Variants in CD86 observed in about 807,000 individuals in gnomAD.
CD86 encodes CD86 molecule, also known as T-lymphocyte activation antigen CD86.
In CD86, 11 loss-of-function variants were observed where a neutral mutation model predicts 32.1. The observed-to-expected ratio is 0.34, with a 90% CI of 0.22 to 0.57. CD86 has a LOEUF of 0.57. Ranked by LOEUF, CD86 falls within the 20% of genes least tolerant of loss-of-function variation. The pLI, the probability that CD86 is intolerant of heterozygous loss-of-function variation, is 0.86. For synonymous variants in CD86, 137 were observed against 135.3 expected (o/e 1.01, Z -0.09); for missense variants, 359 against 398.4 (o/e 0.90, Z 0.84).
intron 2 of CD86, among the ~76,000 whole-genome samples, chr3:122,096,489 C>T (rs948132583): frequency 2.6e-5 from 4 of 151,538 alleles, no homozygotes; most frequent in South Asian, 2.1e-4. Flanking sequence ...GATTTTATGT[C>T]GATAGACATT....
intron 1 of CD86, among the ~76,000 whole-genome samples, chr3:122,081,821 T>A (rs1299117631): frequency 6.6e-6 from 1 of 152,202 alleles, no homozygotes; most frequent in Non-Finnish European, 1.5e-5. Flanking sequence ...AAAGCTCAGC[T>A]CAACTATTAC....
intron 1 of CD86, among the ~76,000 whole-genome samples, chr3:122,070,011 C>T (rs975267135): frequency 6.6e-6 from 1 of 152,178 alleles, no homozygotes; most frequent in Admixed American, 6.5e-5. Context: ...ACCCTTTTGA[C>T]AATTTTTTCC....
chr3:122,103,796 C>G lies in CD86; in HGVS notation c.349C>G (p.Pro117Ala). The G allele has an allele frequency of 3.1e-6, 5 of 1,613,974 alleles. No homozygotes were observed. Among genetic ancestry groups the G allele is most frequent in the Non-Finnish European group, 4.2e-6 (5 of 1,179,884 alleles). Residue 117 changes from proline to alanine, a missense_variant, in exon 3 of 7, where the codon CCC (proline) becomes GCC (alanine). Pro to Ala is a conservative substitution (Grantham distance 27). Transcript: ENST00000330540. ...LYQCIIHHKK[P>A]TGMIRIHQMN... is the part of the protein sequence containing the mutation. ...TCAATGTATCATCCATCACAAAAAG[C>G]CCACAGGAATGATTCGCATCCACCA...
At chr3:122,093,140 C>T (rs1335359167) in intron 2 of CD86, among the ~76,000 whole-genome samples, 1 of 151,998 alleles carries the variant, frequency 6.6e-6, no homozygotes, top group African/African-American at 2.4e-5. Flanking sequence ...TCTCATCCCA[C>T]TTCTTATTTA....
At chr3:122,104,369 G>GA (rs1363663188) in intron 3 of CD86, among the ~76,000 whole-genome samples, 2 of 152,002 alleles carry the variant, frequency 1.3e-5, no homozygotes, top group African/African-American at 2.4e-5. Flanking sequence ...AGACAGAAGG[G>GA]AAAAAAACCC....
intron 1 of CD86, among the ~76,000 whole-genome samples, chr3:122,090,172 A>G (rs561618495): frequency 1.8e-4 from 28 of 152,304 alleles, no homozygotes; most frequent in Middle Eastern, 3.4e-3. Context: ...ATTTAGTACC[A>G]TGATCTATTC....
At chr3:122,106,840 G>GCACACACACACACACACACACACA (rs56759758) in intron 4 of CD86, among the ~76,000 whole-genome samples, 1 of 143,476 alleles carries the variant, frequency 7.0e-6, no homozygotes, top group African/African-American at 2.6e-5. Flanking sequence ...ACATGCGCTT[G>GCACACACACACACACACACACACA]CACACACACA....
chr3:122,091,541 A>T, intron 1 of CD86, 60 bp from the exon 2 acceptor site: 1 of 1,348,904 alleles, frequency 7.4e-7, no homozygotes, highest in Non-Finnish European at 1.1e-6. Context: ...TGTTTTGGTG[A>T]ACATCGGTTT....
intron 5 of CD86, among the ~76,000 whole-genome samples, chr3:122,111,088 C>T (rs1484835326): frequency 6.6e-6 from 1 of 152,044 alleles, no homozygotes; most frequent in Non-Finnish European, 1.5e-5. Flanking sequence ...TCAGATTGGG[C>T]TGAGTGGCAC....
At chr3:122,056,255 G>A (rs368237322) in intron 1 of CD86, among the ~76,000 whole-genome samples, 1 of 152,278 alleles carries the variant, frequency 6.6e-6, no homozygotes, top group East Asian at 1.9e-4. Context: ...TCTCCATGCT[G>A]TGGAGACTTC....
intron 1 of CD86, among the ~76,000 whole-genome samples, chr3:122,089,526 G>A (rs2072779421): frequency 6.6e-6 from 1 of 152,084 alleles, no homozygotes; most frequent in Non-Finnish European, 1.5e-5. Context: ...AAACTTATGA[G>A]ATGTAATTTC....
chr3:122,119,441 A>T lies in CD86; in HGVS notation c.897A>T (p.Glu299Asp). The change falls in exon 7 of 7, where the codon GAA becomes GAT. Residue 299 changes from glutamate to aspartate, a missense_variant. Glu to Asp is a conservative substitution (Grantham distance 45). Transcript: ENST00000330540. ...REESEQTKKR[E>D]KIHIPERSDE... Reference sequence around the variant, plus strand: ...ATCTTTTCTTCTATTTCTCCAGAGAAAAAATCCATATACCTGAAAGATCTG... The same window carrying T: ...ATCTTTTCTTCTATTTCTCCAGAGATAAAATCCATATACCTGAAAGATCTG... 6.3e-7 allele frequency: 1 copy of T among 1,592,356 alleles called. No individual in the cohort carries two copies. The highest frequency in any genetic ancestry group is 8.6e-7 in the Non-Finnish European group (1 of 1,162,514).
chr3:122,114,152 G>A (rs1387306180), intron 5 of CD86, among the ~76,000 whole-genome samples: 1 of 152,118 alleles, frequency 6.6e-6, no homozygotes, highest in Non-Finnish European at 1.5e-5. Flanking sequence ...TTGGGAGGCT[G>A]AGAGAGGAGA....
At chr3:122,065,832 G>A (rs1352239031) in intron 1 of CD86, among the ~76,000 whole-genome samples, 1 of 152,004 alleles carries the variant, frequency 6.6e-6, no homozygotes, top group African/African-American at 2.4e-5. Flanking sequence ...CAAGATCTCT[G>A]GGTGTTGGAA....
chr3:122,099,631 A>G (rs754702592), intron 2 of CD86, among the ~76,000 whole-genome samples: 4 of 152,208 alleles, frequency 2.6e-5, no homozygotes, highest in Non-Finnish European at 5.9e-5. Context: ...TTATAGAGAC[A>G]AAGGGGTGTG....
chr3:122,093,986 T>C (rs1307825384), intron 2 of CD86, among the ~76,000 whole-genome samples: 1 of 152,226 alleles, frequency 6.6e-6, no homozygotes, highest in Admixed American at 6.5e-5. Flanking sequence ...ACTTCTTCCA[T>C]GGGGCCTGAA....
At chr3:122,088,740 T>C in intron 1 of CD86, among the ~76,000 whole-genome samples, 1 of 152,240 alleles carries the variant, frequency 6.6e-6, no homozygotes, top group South Asian at 2.1e-4. Context: ...GAATGTAAAG[T>C]GATGTCGCTG....
chr3:122,087,176 G>A (rs892972027), intron 1 of CD86, among the ~76,000 whole-genome samples: 11 of 152,170 alleles, frequency 7.2e-5, no homozygotes, highest in Admixed American at 1.3e-4. Context: ...GGTTTCTGGA[G>A]TGAACCTCCA....
At position 122,072,161 on chromosome 3, in the gene CD86, G is replaced by T. The variant is rs538359372; in HGVS notation, c.14+16658G>T. 5.0e-3 allele frequency among the ~76,000 whole-genome samples: 755 copies of T among 149,792 alleles called. 6 individuals carry two copies. Among genetic ancestry groups the T allele is most frequent in the African/African-American group, 0.017 (696 of 40,518 alleles). On this transcript the variant is annotated intron_variant, in intron 1 of 6. Transcript: ENST00000330540. The stretch of plus-strand genomic sequence containing the variant: ...ACATTTGGGTTGGTTCCAAGTCTTT[G>T]CTATTGTGAATAGTGCCACAATAAA...
Sources: gnomAD v4.1 joint callset for allele counts (sites outside exome capture counted in the v4.1 genomes callset) on GRCh38, gnomAD v4.1.1 for gene constraint, MANE v1.5 for transcripts, NCBI Gene and HGNC (gene_info 2026-07-23, HGNC 2026-07-21) for gene names.